The following CLP1 variants were observed in gnomAD, a reference collection of about 807,000 sequenced individuals.
CLP1 encodes the protein cleavage factor polyribonucleotide kinase subunit 1.
CLP1 carries 18 observed loss-of-function variants against 29.9 expected under a neutral mutation model. That is an observed-to-expected ratio of 0.60 (90% CI 0.42 to 0.89). CLP1 has a LOEUF of 0.89. Among genes scored for constraint, CLP1 ranks in the 40% least tolerant of loss-of-function variants. The probability of loss-of-function intolerance (pLI) is 0.00; values close to 1 mark genes in which losing one functional copy is unlikely to be tolerated. For synonymous variants in CLP1, 162 were observed against 206.2 expected, an observed-to-expected ratio of 0.79 and a Z score of 1.84; for missense variants, 357 against 544.8, an observed-to-expected ratio of 0.66 and a Z score of 3.43.
At position 57,659,528 on chromosome 11, in the gene CLP1, G is replaced by C. The variant is rs926976429; in HGVS notation, c.52G>C (p.Glu18Gln). Residue 18 changes from glutamate to glutamine, a missense_variant, in exon 2 of 3, where the codon GAG (glutamate) becomes CAG (glutamine). Coordinates refer to ENST00000533682, the MANE Select transcript of CLP1 (RefSeq NM_006831.3). ...GAAGCCAACCACTAAATTTGAACTA[G>C]AGCGAGAAACAGAACTTCGCTTTGA... Reference protein sequence around the residue: ...DKKPTTKFELERETELRFEVE... With the variant: ...DKKPTTKFELQRETELRFEVE... 1 of 1,614,148 alleles carries C rather than the reference G, an allele frequency of 6.2e-7. No individual in the cohort carries two copies. Among genetic ancestry groups the C allele is most frequent in the Non-Finnish European group, 8.5e-7 (1 of 1,180,022 alleles).
chr11:57,659,483 G>A lies in CLP1; in HGVS notation c.7G>A (p.Glu3Lys). Residue 3 changes from glutamate (E) to lysine (K), a missense_variant, in exon 2 of 3, where the codon GAA becomes AAA. Physicochemically the swap from Glu to Lys is moderately conservative, Grantham distance 56 (BLOSUM62 1). Transcript: ENST00000533682. MGEEANDDKKPTT... is the reference protein window; with the variant it reads MGKEANDDKKPTT... The stretch of plus-strand genomic sequence containing the variant: ...CAGCAGCTACACAGAAGAGATGGGA[G>A]AAGAGGCTAATGATGACAAGAAGCC... The A allele has an allele frequency of 3.7e-6, 6 of 1,614,126 alleles. No individual in the cohort carries two copies. The highest frequency in any genetic ancestry group is 5.1e-6 in the Non-Finnish European group (6 of 1,179,982).
rs1945871648 is a variant in CLP1 at position 57,660,986 on chromosome 11, T to C, written c.828T>C (p.Thr276=). 6.2e-7 allele frequency: 1 copy of C among 1,614,238 alleles called. No homozygotes were observed. The highest frequency in any genetic ancestry group is 8.5e-7 in the Non-Finnish European group (1 of 1,180,040). The stretch of plus-strand genomic sequence containing the variant: ...GGGACCTCCCCCACTTTGTACGCAC[T>C]GTGCTGCTCCCTAAATCTGGGGGTG... The part of the protein sequence containing the change: ...LKRDLPHFVR[T]VLLPKSGGVV... Residue 276 remains threonine (T), a synonymous_variant, in exon 3 of 3, where the codon ACT becomes ACC. Coordinates refer to ENST00000533682, the MANE Select transcript of CLP1 (RefSeq NM_006831.3).
intron 1 of CLP1, 56 bp from the exon 2 acceptor site, chr11:57,659,398 GT>G: frequency 6.5e-7 from 1 of 1,547,338 alleles, no homozygotes; most frequent in Non-Finnish European, 8.8e-7. Flanking sequence ...CCCATTGGAT[GT>G]TTTTGTAACA....
chr11:57,661,099 C>A lies in CLP1; in HGVS notation c.941C>A (p.Pro314His), dbSNP rs1375513149. 6.2e-7 allele frequency: 1 copy of A among 1,614,170 alleles called. No individual in the cohort carries two copies. The highest frequency in any genetic ancestry group is 1.3e-5 in the African/African-American group (1 of 75,030). ...TATGGATTCCGAGGCTGTTTCTATC[C>A]CCATGCCTTCAATGTCAAATTTTCA... is the stretch of plus-strand genomic sequence containing the variant. ...YFYGFRGCFY[P>H]HAFNVKFSDV... Residue 314 changes from proline (P) to histidine (H), a missense_variant, in exon 3 of 3, where the codon CCC becomes CAC. Pro to His is a moderately conservative substitution (Grantham distance 77). Coordinates refer to ENST00000533682, the MANE Select transcript of CLP1 (RefSeq NM_006831.3).
intron 2 of CLP1, 145 bp from the exon 3 acceptor site, chr11:57,660,620 C>T: frequency 1.5e-6 from 1 of 677,954 alleles, no homozygotes; most frequent in Non-Finnish European, 2.4e-6. Flanking sequence ...TGCCACTGCA[C>T]TCCATCCTGG....
In CLP1 at chr11:57,659,883, A is replaced by ACT; in HGVS notation, c.408_409dup (p.Tyr137SerfsTer72). On this transcript the variant is annotated frameshift_variant, in exon 2 of 3. Transcript: ENST00000533682. LOFTEE classifies it high-confidence loss of function. ...TCTACAGTGTGTCGCCTTCTGCTCAACTACGCAGTGCGTTTGGGCCGCCGT... is the reference window on the plus strand; with the variant it reads ...TCTACAGTGTGTCGCCTTCTGCTCAACTCTACGCAGTGCGTTTGGGCCGCCGT... 6.2e-7 allele frequency: 1 copy of ACT among 1,614,194 alleles called. No individual in the cohort carries two copies. Among genetic ancestry groups the ACT allele is most frequent in the Non-Finnish European group, 8.5e-7 (1 of 1,180,042 alleles).
chr11:57,658,137 C>T (rs1945838948), intron 1 of CLP1, among the ~76,000 whole-genome samples: 1 of 152,198 alleles, frequency 6.6e-6, no homozygotes, highest in African/African-American at 2.4e-5. Context: ...CAGTCGACAG[C>T]TTCAAAGGTT....
At position 57,661,692 on chromosome 11, in the gene CLP1, G is replaced by T; in HGVS notation, c.*256G>T. On this transcript the variant is annotated 3_prime_UTR_variant, in exon 3 of 3. Transcript: ENST00000533682. ...ACTTTGAATTCTCTAAGACCCTGGA[G>T]AATTGCATTTCTTTCACTGTGCTAC... The T allele has an allele frequency of 2.2e-6, 1 of 449,948 alleles. No homozygotes were observed. Among genetic ancestry groups the T allele is most frequent in the Non-Finnish European group, 3.9e-6 (1 of 253,174 alleles). 27.9% of individuals were successfully genotyped at this position (449,948 alleles called of 1,614,324 possible). A position where few individuals can be genotyped will look rare whatever the true frequency, so the allele number is the denominator to read the frequency against.
intron 2 of CLP1, 141 bp from the exon 3 acceptor site, chr11:57,660,624 A>C: frequency 1.4e-6 from 1 of 699,344 alleles, no homozygotes; most frequent in Non-Finnish European, 2.3e-6. Context: ...ACTGCACTCC[A>C]TCCTGGGCAA....
At chr11:57,658,956 C>G (rs1647403) in intron 1 of CLP1, among the ~76,000 whole-genome samples, 104,308 of 151,650 alleles carry the variant, frequency 0.69, 36,600 homozygotes, top group East Asian at 0.89. Context: ...TGCATTTTTT[C>G]TACAGACGGG....
Position 57,661,210 on chromosome 11 carries a change from AGCTAGTACCTGTCACTCCT to A in CLP1, c.1054_1072del (p.Leu352GlyfsTer9). On this transcript the variant is annotated frameshift_variant, in exon 3 of 3. Coordinates refer to ENST00000533682, the MANE Select transcript of CLP1 (RefSeq NM_006831.3). LOFTEE classifies it high-confidence loss of function. ...ATGTCTCAAGAGGATAATCAGCTCA[AGCTAGTACCTGTCACTCCT>A]GGGCGAGATATGGTGCACCACCTAC... The A allele has an allele frequency of 6.2e-7, 1 of 1,614,206 alleles. No homozygotes were observed. Among genetic ancestry groups the A allele is most frequent in the Non-Finnish European group, 8.5e-7 (1 of 1,180,040 alleles).
In CLP1 at chr11:57,659,341, G is replaced by A. The variant is rs188813265; in HGVS notation, c.-22-114G>A. ...TGACCTCAAGTGATCCAGCCACCTC[G>A]GCTTCCCAAAGTGCTGGGATTACAG... On this transcript the variant is annotated intron_variant, in intron 1 of 2. Transcript: ENST00000533682. 564 of 970,428 alleles carry A rather than the reference G, an allele frequency of 5.8e-4. 2 individuals carry two copies. The highest frequency in any genetic ancestry group is 5.4e-3 in the South Asian group (323 of 60,038). 60.1% of individuals were successfully genotyped at this position (970,428 alleles called of 1,614,324 possible).
rs1008640713 is a variant in CLP1, at chr11:57,660,813, C to T, written c.655C>T (p.Arg219Ter). The T allele has an allele frequency of 5.6e-6, 9 of 1,611,546 alleles. No individual in the cohort carries two copies. Among genetic ancestry groups the T allele is most frequent in the South Asian group, 1.1e-5 (1 of 90,916 alleles). Reference protein sequence around the residue: ...DVFNQRCEVNRRASVSGCVIN... With the variant: ...DVFNQRCEVN ...GTTCAACCAAAGGTGTGAGGTGAAC[C>T]GAAGGGCATCTGTGAGTGGCTGTGT... Residue 219 changes from arginine (R) to a stop codon, truncating the protein, a stop_gained, in exon 3 of 3, where the codon CGA (arginine) becomes TGA (stop). Transcript: ENST00000533682. LOFTEE classifies it high-confidence loss of function.
chr11:57,660,090 C>T lies in CLP1; in HGVS notation c.606+8C>T, dbSNP rs780372867. 1.9e-6 allele frequency: 3 copies of T among 1,546,098 alleles called. No homozygotes were observed. The highest frequency in any genetic ancestry group is 1.7e-6 in the Non-Finnish European group (2 of 1,144,872). Reference sequence around the variant, plus strand: ...ATCAAGCTTTATAATAAGGTCAGAGCCAGAGAAAGGTGGGGTGGAGGGAAG... The same window carrying T: ...ATCAAGCTTTATAATAAGGTCAGAGTCAGAGAAAGGTGGGGTGGAGGGAAG... On this transcript the variant is annotated splice_region_variant and intron_variant, in intron 2 of 2. Coordinates refer to ENST00000533682, the MANE Select transcript of CLP1 (RefSeq NM_006831.3).
intron 1 of CLP1, among the ~76,000 whole-genome samples, chr11:57,658,992 C>G (rs1449112967): frequency 6.6e-6 from 1 of 151,706 alleles, no homozygotes; most frequent in Non-Finnish European, 1.5e-5. Context: ...CCAGGCTGGT[C>G]TTGTACTTCT....
At chr11:57,658,452 C>T (rs2926662) in intron 1 of CLP1, among the ~76,000 whole-genome samples, 1 of 152,074 alleles carries the variant, frequency 6.6e-6, no homozygotes, top group Non-Finnish European at 1.5e-5. Flanking sequence ...AAGCTGTATT[C>T]TAAGCAGTAT....
intron 1 of CLP1, among the ~76,000 whole-genome samples, chr11:57,658,264 T>C (rs563589965): frequency 6.6e-6 from 1 of 152,342 alleles, no homozygotes; most frequent in African/African-American, 2.4e-5. Flanking sequence ...TCAGACGCCC[T>C]TTCCTGTTGA....
chr11:57,659,796 C>T lies in CLP1; in HGVS notation c.320C>T (p.Ala107Val), dbSNP rs746499751. ...GCCTTGGAACAGATGCGGAGGCAAG[C>T]GGAAAAGGAAGAAGAGCGAGGTCCC... is the stretch of plus-strand genomic sequence containing the variant. The part of the protein sequence containing the change: ...HTALEQMRRQ[A>V]EKEEERGPRV... Residue 107 changes from alanine to valine, a missense_variant, in exon 2 of 3, where the codon GCG (alanine) becomes GTG (valine). By Grantham distance (64) the Ala-to-Val change is moderately conservative. Transcript: ENST00000533682. The T allele has an allele frequency of 6.8e-6, 11 of 1,613,968 alleles. No homozygotes were observed. The highest frequency in any genetic ancestry group is 6.7e-5 in the Admixed American group (4 of 59,974).
At chr11:57,658,543 G>A (rs1349189314) in intron 1 of CLP1, among the ~76,000 whole-genome samples, 1 of 152,092 alleles carries the variant, frequency 6.6e-6, no homozygotes, top group East Asian at 1.9e-4. Context: ...TGAGACCGAT[G>A]GTGATAAGAA....
Sources: allele counts gnomAD v4.1 joint callset (sites outside exome capture counted in the v4.1 genomes callset), GRCh38; gene constraint gnomAD v4.1.1; transcripts MANE v1.5; gene names NCBI Gene and HGNC (gene_info 2026-07-23, HGNC 2026-07-21).